Variants in PCDHGA7 observed in about 807,000 individuals in gnomAD.
The protein encoded by PCDHGA7 is protocadherin gamma subfamily A, 7, also known as protocadherin gamma-A7.
PCDHGA7 carries 44 observed loss-of-function variants against 58.3 expected under a neutral mutation model. The ratio of observed to expected loss-of-function variants is 0.75; its 90% confidence interval spans 0.59 to 0.97. The LOEUF (loss-of-function observed/expected upper bound fraction) is 0.97, where lower values mean the gene tolerates loss of function less well. Among genes scored for constraint, PCDHGA7 ranks in the 50% least tolerant of loss-of-function variants. The pLI is 0.00. For missense variants in PCDHGA7, 1,266 were observed against 1,188.7 expected (o/e 1.06, Z -0.96); for synonymous variants, 516 against 504.2 (o/e 1.02, Z -0.31).
chr5:141,402,746 T>C (rs956909207), intron 1 of PCDHGA7, among the ~76,000 whole-genome samples: 2 of 152,224 alleles, frequency 1.3e-5, no homozygotes, highest in African/African-American at 4.8e-5. Context: ...TGATCAACTC[T>C]AAGCGAAAAT....
At chr5:141,416,124 AT>A (rs1297389183) in intron 1 of PCDHGA7, 1 of 154,644 alleles carries the variant, frequency 6.5e-6, no homozygotes, top group Non-Finnish European at 1.4e-5. Flanking sequence ...CATTTTATAT[AT>A]TTTTCAATCT....
chr5:141,394,066 A>T (rs1589216611), intron 1 of PCDHGA7: 1 of 1,613,738 alleles, frequency 6.2e-7, no homozygotes, highest in Admixed American at 1.7e-5. Context: ...GTCTCTATCT[A>T]CAATATCACA....
intron 1 of PCDHGA7, chr5:141,414,476 C>G (rs1242647918): frequency 6.2e-7 from 1 of 1,613,920 alleles, no homozygotes; most frequent in Non-Finnish European, 8.5e-7. Context: ...GGGGGAAGTC[C>G]TCCTCTATCA....
At chr5:141,459,303 T>C (rs1419156629) in intron 1 of PCDHGA7, among the ~76,000 whole-genome samples, 1 of 152,242 alleles carries the variant, frequency 6.6e-6, no homozygotes, top group Non-Finnish European at 1.5e-5. Context: ...CTATAACATA[T>C]ACTATTTTGT....
At chr5:141,418,147 C>A (rs781655205) in intron 1 of PCDHGA7, 3 of 1,614,040 alleles carry the variant, frequency 1.9e-6, no homozygotes, top group Non-Finnish European at 2.5e-6. Flanking sequence ...AGCAAATATG[C>A]AAAGAGAGAA....
In PCDHGA7 at chr5:141,476,962, C is replaced by A. The variant is rs2099402286; in HGVS notation, c.2425-17845C>A. On this transcript the variant is annotated intron_variant, in intron 1 of 3. Coordinates refer to ENST00000518325, the MANE Select transcript of PCDHGA7 (RefSeq NM_018920.4). This position sits in a 1 kb window ranked among gnomAD's most constrained non-coding sequence, Gnocchi z 7.6. ...GCCCCAACGGTGAAATTATTTACTCCTTCGGCAGCCACAACCGCGCCGGCG... is the reference window on the plus strand; with the variant it reads ...GCCCCAACGGTGAAATTATTTACTCATTCGGCAGCCACAACCGCGCCGGCG... 2 of 1,614,200 alleles carry A rather than the reference C, an allele frequency of 1.2e-6. No individual in the cohort carries two copies. The highest frequency in any genetic ancestry group is 1.7e-6 in the Non-Finnish European group (2 of 1,180,042).
rs756658304 is a variant in PCDHGA7, at chr5:141,485,531, G to C, written c.2425-9276G>C. 6.8e-6 allele frequency: 11 copies of C among 1,614,218 alleles called. No homozygotes were observed. In the Admixed American group the frequency reaches 1.5e-4, roughly 22 times the overall value. On this transcript the variant is annotated intron_variant, in intron 1 of 3. Transcript: ENST00000518325. This position sits in a 1 kb window ranked among gnomAD's most constrained non-coding sequence, Gnocchi z 5.7. ...AGGTCCTTTGGAAATGTACCGAGCA[G>C]AGGTAGAGATCGTAGATGTGAATGA... is the stretch of plus-strand genomic sequence containing the variant.
chr5:141,484,699 T>A (rs899065665), intron 1 of PCDHGA7, among the ~76,000 whole-genome samples: 4 of 151,966 alleles, frequency 2.6e-5, no homozygotes, highest in African/African-American at 9.7e-5. Flanking sequence ...GCTGTGGCTG[T>A]TTTCCCCGCC....
In PCDHGA7 at chr5:141,421,902, C is replaced by T. The variant is rs1218675162; in HGVS notation, c.2424+36579C>T. 4 of 1,613,706 alleles carry T rather than the reference C, an allele frequency of 2.5e-6. No homozygotes were observed. The South Asian group carries it at 3.3e-5, about 13-fold the overall frequency. On this transcript the variant is annotated intron_variant, in intron 1 of 3. Coordinates refer to ENST00000518325, the MANE Select transcript of PCDHGA7 (RefSeq NM_018920.4). Reference sequence around the variant, plus strand: ...ATGGAGGCGATCCCATCCGAAAGGGCGCAGTTCCCATTCGTGTGGTGGTCC... The same window carrying T: ...ATGGAGGCGATCCCATCCGAAAGGGTGCAGTTCCCATTCGTGTGGTGGTCC...
At chr5:141,405,804 C>T (rs1277295024) in intron 1 of PCDHGA7, among the ~76,000 whole-genome samples, 1 of 146,338 alleles carries the variant, frequency 6.8e-6, no homozygotes, top group Non-Finnish European at 1.5e-5. Context: ...AGTTAGCTTT[C>T]TCTTTAACTG....
At position 141,489,888 on chromosome 5, in the gene PCDHGA7, T is replaced by TG. The variant is rs759744295; in HGVS notation, c.2425-4913dup. On this transcript the variant is annotated intron_variant, in intron 1 of 3. Coordinates refer to ENST00000518325, the MANE Select transcript of PCDHGA7 (RefSeq NM_018920.4). The surrounding 1 kb of genome is among the most constrained non-coding windows in gnomAD (Gnocchi z 4.5). ...ATCAGCTGGTGCTTACTGCTGTGGATGGGGGGACCCCAGCCCGCTCAGGGA... is the reference window on the plus strand; with the variant it reads ...ATCAGCTGGTGCTTACTGCTGTGGATGGGGGGGACCCCAGCCCGCTCAGGGA... 6.4e-5 allele frequency: 103 copies of TG among 1,614,088 alleles called. No individual in the cohort carries two copies. Among genetic ancestry groups the TG allele is most frequent in the Non-Finnish European group, 8.6e-5 (101 of 1,180,048 alleles).
At chr5:141,420,245 G>T (rs72790042) in intron 1 of PCDHGA7, 1 of 1,584,230 alleles carries the variant, frequency 6.3e-7, no homozygotes, top group East Asian at 2.2e-5. Flanking sequence ...AACTCCCAGC[G>T]TTGAAGCAGA....
Position 141,477,310 on chromosome 5 carries a change from C to T in PCDHGA7, c.2425-17497C>T. On this transcript the variant is annotated intron_variant, in intron 1 of 3. Coordinates refer to ENST00000518325, the MANE Select transcript of PCDHGA7 (RefSeq NM_018920.4). This position sits in a 1 kb window ranked among gnomAD's most constrained non-coding sequence, Gnocchi z 4.9. ...AAGTTCCACCGGGTCTCCCTTTCAGCCTTACTTCTTCCCTCAAGAATTACT... is the reference window on the plus strand; with the variant it reads ...AAGTTCCACCGGGTCTCCCTTTCAGTCTTACTTCTTCCCTCAAGAATTACT... The T allele has an allele frequency of 6.2e-7, 1 of 1,614,154 alleles. No homozygotes were observed. Among genetic ancestry groups the T allele is most frequent in the Non-Finnish European group, 8.5e-7 (1 of 1,180,018 alleles).
intron 1 of PCDHGA7, chr5:141,415,888 T>C: frequency 1.1e-6 from 1 of 940,220 alleles, no homozygotes; most frequent in South Asian, 2.9e-5. Flanking sequence ...ATATTGACAA[T>C]TCCTAAGACA....
intron 1 of PCDHGA7, chr5:141,408,686 A>G (rs2095150873): frequency 6.2e-7 from 1 of 1,613,848 alleles, no homozygotes; most frequent in Non-Finnish European, 8.5e-7. Flanking sequence ...GGATCCTGAT[A>G]TAAACATAAA....
intron 1 of PCDHGA7, among the ~76,000 whole-genome samples, chr5:141,436,998 A>T (rs985067199): frequency 6.6e-6 from 1 of 152,242 alleles, no homozygotes; most frequent in African/African-American, 2.4e-5. Context: ...GTTTACTTCA[A>T]TGGGATCTTA....
chr5:141,442,298 G>A (rs934210433), intron 1 of PCDHGA7: 2 of 152,564 alleles, frequency 1.3e-5, no homozygotes, highest in African/African-American at 4.8e-5. Flanking sequence ...TCCTGTCTGA[G>A]TCTTTCCCAC....
chr5:141,499,479 C>T (rs1019775735), intron 2 of PCDHGA7, among the ~76,000 whole-genome samples: 1 of 152,146 alleles, frequency 6.6e-6, no homozygotes. Context: ...AGAACCACCA[C>T]CAACTACAGT....
At chr5:141,415,046 G>C in intron 1 of PCDHGA7, 1 of 1,613,468 alleles carries the variant, frequency 6.2e-7, no homozygotes, top group Non-Finnish European at 8.5e-7. Context: ...TTCGCGGTGG[G>C]GGAGCACACG....
Sources: gnomAD v4.1 joint callset for allele counts (sites outside exome capture counted in the v4.1 genomes callset) on GRCh38, gnomAD v4.1.1 for gene constraint, Gnocchi (gnomAD v3.1) non-coding constraint, MANE v1.5 for transcripts, NCBI Gene and HGNC (gene_info 2026-07-23, HGNC 2026-07-21) for gene names.